The following ARSJ variants were observed in gnomAD, a reference collection of about 807,000 sequenced individuals.
The protein encoded by ARSJ is arylsulfatase family member J, also known as arylsulfatase J.
In ARSJ, 26 loss-of-function variants were observed where a neutral mutation model predicts 35.9. That is an observed-to-expected ratio of 0.72 (90% confidence interval 0.53 to 1.00). The LOEUF is 1.00. Ranked by LOEUF, ARSJ falls within the 50% of genes least tolerant of loss-of-function variation. The pLI is 0.00. For synonymous variants in ARSJ, 294 were observed against 267.6 expected, an observed-to-expected ratio of 1.10 and a Z score of -0.96; for missense variants, 667 against 723.6, an observed-to-expected ratio of 0.92 and a Z score of 0.90.
chr4:113,976,547 G>C (rs1159660017), intron 1 of ARSJ, among the ~76,000 whole-genome samples: 1 of 152,166 alleles, frequency 6.6e-6, no homozygotes, highest in Non-Finnish European at 1.5e-5. Flanking sequence ...TTAATAATGA[G>C]TCCAGAACTG....
chr4:113,946,708 A>G (rs1725510537), intron 1 of ARSJ, among the ~76,000 whole-genome samples: 1 of 134,852 alleles, frequency 7.4e-6, no homozygotes, highest in South Asian at 2.7e-4. Context: ...CACTTATAAT[A>G]TTTTGCATAA....
chr4:113,939,769 T>C (rs1725022335), intron 1 of ARSJ, among the ~76,000 whole-genome samples: 1 of 152,078 alleles, frequency 6.6e-6, no homozygotes, highest in Admixed American at 6.6e-5. Flanking sequence ...TTTTTTTGTT[T>C]GTTTTGTTTT....
intron 1 of ARSJ, among the ~76,000 whole-genome samples, chr4:113,933,226 C>A (rs569825216): frequency 2.0e-5 from 3 of 151,826 alleles, no homozygotes; most frequent in South Asian, 2.1e-4. Context: ...TGTCTCTGAT[C>A]TAAGAAAAAC....
chr4:113,901,298 A>C lies in ARSJ; in HGVS notation c.*976T>G, dbSNP rs2099666958. 6.6e-6 allele frequency: 1 copy of C among 152,210 alleles called. No individual in the cohort carries two copies. Among genetic ancestry groups the C allele is most frequent in the Non-Finnish European group, 1.5e-5 (1 of 68,038 alleles). 9.4% of individuals were successfully genotyped at this position (152,210 alleles called of 1,614,324 possible). On this transcript the variant is annotated 3_prime_UTR_variant, in exon 2 of 2. Coordinates refer to ENST00000315366, the MANE Select transcript of ARSJ (RefSeq NM_024590.4). ...TGAATTTCCAAGTAATTTGTAAGGA[A>C]TATATTCATCTTATTACATTCAAAA... is the stretch of plus-strand genomic sequence containing the variant.
At chr4:113,967,489 G>A (rs934707504) in intron 1 of ARSJ, among the ~76,000 whole-genome samples, 5 of 152,042 alleles carry the variant, frequency 3.3e-5, no homozygotes, top group African/African-American at 1.2e-4. Context: ...AAGAAAGAAT[G>A]GTCTTTTAAG....
At chr4:113,912,494 T>C (rs10001850) in intron 1 of ARSJ, among the ~76,000 whole-genome samples, 107,680 of 151,984 alleles carry the variant, frequency 0.71, 38,917 homozygotes, top group East Asian at 0.81. Flanking sequence ...TTTCAAGATA[T>C]ATAGATGGAA....
intron 1 of ARSJ, among the ~76,000 whole-genome samples, chr4:113,939,353 T>C (rs1724992000): frequency 6.7e-6 from 1 of 149,682 alleles, no homozygotes; most frequent in Non-Finnish European, 1.5e-5. Flanking sequence ...CTATTGTGAA[T>C]AGTGCCACAA....
chr4:113,929,600 T>G (rs1724300029), intron 1 of ARSJ, among the ~76,000 whole-genome samples: 1 of 152,140 alleles, frequency 6.6e-6, no homozygotes, highest in Non-Finnish European at 1.5e-5. Context: ...GCCCTCACTT[T>G]AACAGTAGAC....
At chr4:113,967,104 G>T (rs1406175242) in intron 1 of ARSJ, among the ~76,000 whole-genome samples, 2 of 152,158 alleles carry the variant, frequency 1.3e-5, no homozygotes. Flanking sequence ...TCAGTCAGTG[G>T]AGAGAGAATT....
intron 1 of ARSJ, among the ~76,000 whole-genome samples, chr4:113,911,002 GA>G (rs2099670273): frequency 6.6e-6 from 1 of 152,138 alleles, no homozygotes. Context: ...GGTGAGTGTG[GA>G]ATGAAAGCAG....
intron 1 of ARSJ, among the ~76,000 whole-genome samples, chr4:113,932,611 TG>T (rs151204886): frequency 0.018 from 2,720 of 152,064 alleles, 47 homozygotes; most frequent in Middle Eastern, 0.037. Context: ...GAATGACCAG[TG>T]GGTCAAAGAA....
intron 1 of ARSJ, among the ~76,000 whole-genome samples, chr4:113,907,529 A>AT (rs142508001): frequency 0.58 from 88,224 of 151,670 alleles, 27,155 homozygotes; most frequent in Middle Eastern, 0.68. Context: ...TAATATGAAA[A>AT]TTTTTTTTAC....
intron 1 of ARSJ, among the ~76,000 whole-genome samples, chr4:113,951,985 A>G (rs1725889614): frequency 6.6e-6 from 1 of 152,072 alleles, no homozygotes; most frequent in Non-Finnish European, 1.5e-5. Flanking sequence ...TGTCTTTTCT[A>G]CAAGGCTTGT....
intron 1 of ARSJ, among the ~76,000 whole-genome samples, chr4:113,967,056 T>G (rs1203038188): frequency 1.3e-5 from 2 of 152,182 alleles, no homozygotes; most frequent in African/African-American, 2.4e-5. Flanking sequence ...AGGTTTGGTG[T>G]GGGTGATAGG....
intron 1 of ARSJ, among the ~76,000 whole-genome samples, chr4:113,925,912 C>T (rs1397794703): frequency 1.3e-5 from 2 of 152,114 alleles, no homozygotes; most frequent in Admixed American, 6.5e-5. Context: ...AAATTGGGCA[C>T]TCAGTAGTGG....
At chr4:113,971,356 G>T (rs183946802) in intron 1 of ARSJ, among the ~76,000 whole-genome samples, 1 of 152,196 alleles carries the variant, frequency 6.6e-6, no homozygotes, top group Non-Finnish European at 1.5e-5. Flanking sequence ...TCTGCGCCTG[G>T]ATAATTTCCA....
intron 1 of ARSJ, among the ~76,000 whole-genome samples, chr4:113,933,659 A>G (rs1226732825): frequency 6.6e-6 from 1 of 151,904 alleles, no homozygotes; most frequent in Non-Finnish European, 1.5e-5. Context: ...TAGATGCCGA[A>G]AAAGCTTCCG....
chr4:113,944,967 G>T (rs1725383406), intron 1 of ARSJ, among the ~76,000 whole-genome samples: 1 of 151,826 alleles, frequency 6.6e-6, no homozygotes, highest in South Asian at 2.1e-4. Flanking sequence ...CATCTTAATT[G>T]TTCTGGCCTT....
At chr4:113,941,529 G>T (rs1294327813) in intron 1 of ARSJ, among the ~76,000 whole-genome samples, 1 of 151,980 alleles carries the variant, frequency 6.6e-6, no homozygotes. Flanking sequence ...TAATAGCATT[G>T]TAGAACATTT....
Sources: gnomAD v4.1 joint callset for allele counts (sites outside exome capture counted in the v4.1 genomes callset) on GRCh38, gnomAD v4.1.1 for gene constraint, MANE v1.5 for transcripts, NCBI Gene and HGNC (gene_info 2026-07-23, HGNC 2026-07-21) for gene names.